The following TOX variants were observed in gnomAD, a reference collection of about 807,000 sequenced individuals.
TOX encodes the protein thymocyte selection associated high mobility group box, also known as thymocyte selection-associated high mobility group box protein TOX.
In TOX, 11 loss-of-function variants were observed where a neutral mutation model predicts 53.7. The observed-to-expected ratio is 0.20, with a 90% CI of 0.13 to 0.34. The LOEUF (loss-of-function observed/expected upper bound fraction) is 0.34, where lower values mean the gene tolerates loss of function less well. Ranked by LOEUF, TOX falls within the 10% of genes least tolerant of loss-of-function variation. The pLI, the probability that TOX is intolerant of heterozygous loss-of-function variation, is 1.00. For synonymous variants in TOX, 225 were observed against 245.3 expected, an observed-to-expected ratio of 0.92 and a Z score of 0.77; for missense variants, 570 against 664.6, an observed-to-expected ratio of 0.86 and a Z score of 1.56.
chr8:58,865,917 C>A (rs1811094131), intron 3 of TOX, among the ~76,000 whole-genome samples: 1 of 139,602 alleles, frequency 7.2e-6, no homozygotes, highest in South Asian at 2.4e-4. Context: ...TCACTGCAAC[C>A]TCCACCTCCC....
rs1554533755 is a variant in TOX, at chr8:58,963,314, TATAG to T, written c.103-3310_103-3307del. The stretch of plus-strand genomic sequence containing the variant: ...TAGAAGATAGATAGATAGATATATA[TATAG>T]ATAGATAGATAGATAGATAGATAGG... On this transcript the variant is annotated intron_variant, in intron 1 of 8. Coordinates refer to ENST00000361421, the MANE Select transcript of TOX (RefSeq NM_014729.3). Among the ~76,000 whole-genome samples the T allele has an allele frequency of 6.9e-3, 897 of 130,736 alleles. 8 individuals carry two copies. The highest frequency in any genetic ancestry group is 0.016 in the Middle Eastern group (4 of 256). The allele number at this position is 130,736 out of a possible 152,430, so 85.8% of individuals were successfully genotyped here.
intron 3 of TOX, among the ~76,000 whole-genome samples, chr8:58,890,297 C>G (rs763645902): frequency 1.3e-5 from 2 of 152,018 alleles, no homozygotes; most frequent in Non-Finnish European, 2.9e-5. Flanking sequence ...GTGGTAGAGT[C>G]GTGGGAGGGA....
At chr8:58,854,688 T>A (rs1050142566) in intron 3 of TOX, among the ~76,000 whole-genome samples, 35 of 152,232 alleles carry the variant, frequency 2.3e-4, no homozygotes, top group African/African-American at 7.5e-4. Flanking sequence ...GAATACCAAA[T>A]CAAAGCACTC....
intron 5 of TOX, among the ~76,000 whole-genome samples, chr8:58,832,147 T>C (rs1057468260): frequency 7.1e-6 from 1 of 140,092 alleles, no homozygotes; most frequent in African/African-American, 2.5e-5. Flanking sequence ...ATAATATATG[T>C]AATATATAAT....
At chr8:58,998,535 AT>A (rs368465449) in intron 1 of TOX, among the ~76,000 whole-genome samples, 30 of 12,274 alleles carry the variant, frequency 2.4e-3, no homozygotes, top group East Asian at 0.018. Flanking sequence ...ATATATATAT[AT>A]ATAAATTTAT....
intron 1 of TOX, among the ~76,000 whole-genome samples, chr8:59,032,207 C>G (rs763757936): frequency 2.6e-5 from 4 of 151,980 alleles, no homozygotes; most frequent in Non-Finnish European, 5.9e-5. Context: ...GGATGTAGCC[C>G]TAAGTAACTA....
At chr8:59,059,525 C>T (rs1180108172) in intron 1 of TOX, among the ~76,000 whole-genome samples, 1 of 152,088 alleles carries the variant, frequency 6.6e-6, no homozygotes, top group East Asian at 1.9e-4. Context: ...AACATCAACA[C>T]TCATTTTGTT....
intron 3 of TOX, among the ~76,000 whole-genome samples, chr8:58,922,822 A>G (rs1306515142): frequency 6.6e-6 from 1 of 152,218 alleles, no homozygotes; most frequent in Non-Finnish European, 1.5e-5. Context: ...TCATTTTATA[A>G]AACAGGGTGA....
intron 1 of TOX, among the ~76,000 whole-genome samples, chr8:58,998,612 A>ATTTATATGTAATAAATTTATGTAATAAT (rs1414270503): frequency 1.2e-5 from 1 of 80,594 alleles, no homozygotes; most frequent in Admixed American, 1.3e-4. Context: ...TATGTAATAA[A>ATTTATATGTAATAAATTTATGTAATAAT]TTTATATAAT....
chr8:58,988,903 C>G (rs535283366), intron 1 of TOX, among the ~76,000 whole-genome samples: 1 of 152,322 alleles, frequency 6.6e-6, no homozygotes, highest in South Asian at 2.1e-4. Flanking sequence ...GAGGGCAAAA[C>G]TCCCAAGACA....
At chr8:58,819,005 A>G (rs1274631150) in intron 6 of TOX, among the ~76,000 whole-genome samples, 1 of 152,252 alleles carries the variant, frequency 6.6e-6, no homozygotes, top group Non-Finnish European at 1.5e-5. Flanking sequence ...ATTATTAAGC[A>G]GTCTAGTACA....
At chr8:58,830,357 T>C (rs1398255874) in intron 5 of TOX, among the ~76,000 whole-genome samples, 1 of 152,148 alleles carries the variant, frequency 6.6e-6, no homozygotes, top group African/African-American at 2.4e-5. Flanking sequence ...ATGGCTAAAC[T>C]AAAACATACG....
intron 6 of TOX, among the ~76,000 whole-genome samples, chr8:58,824,189 G>A (rs1018532431): frequency 6.6e-6 from 1 of 152,178 alleles, no homozygotes; most frequent in Non-Finnish European, 1.5e-5. Flanking sequence ...GCCTTGGCCA[G>A]TGGCTACCTG....
intron 1 of TOX, among the ~76,000 whole-genome samples, chr8:58,967,792 T>A (rs1194598627): frequency 6.6e-6 from 1 of 152,168 alleles, no homozygotes; most frequent in Non-Finnish European, 1.5e-5. Context: ...TTGCTTACTT[T>A]CCCCTCACTC....
chr8:58,972,517 A>G (rs920228465), intron 1 of TOX, among the ~76,000 whole-genome samples: 1 of 152,220 alleles, frequency 6.6e-6, no homozygotes, highest in African/African-American at 2.4e-5. Flanking sequence ...AGTACGACAT[A>G]GGATGATATG....
intron 1 of TOX, among the ~76,000 whole-genome samples, chr8:59,053,269 C>T (rs1803827844): frequency 6.6e-6 from 1 of 152,172 alleles, no homozygotes; most frequent in African/African-American, 2.4e-5. Context: ...CCCTTTCTAT[C>T]TTTTAATATG....
intron 1 of TOX, among the ~76,000 whole-genome samples, chr8:59,044,780 T>C (rs1803655272): frequency 6.6e-6 from 1 of 152,228 alleles, no homozygotes; most frequent in Non-Finnish European, 1.5e-5. Flanking sequence ...ATTTTAAGGA[T>C]GAATGGCATC....
intron 1 of TOX, among the ~76,000 whole-genome samples, chr8:59,057,718 G>A (rs562868933): frequency 5.3e-5 from 8 of 152,182 alleles, no homozygotes; most frequent in South Asian, 4.1e-4. Context: ...CTGAGTGGTC[G>A]AATTACACAT....
intron 1 of TOX, among the ~76,000 whole-genome samples, chr8:59,107,818 T>C (rs1804940994): frequency 1.3e-5 from 2 of 152,170 alleles, no homozygotes; most frequent in African/African-American, 2.4e-5. Context: ...TTTTAAAGCA[T>C]ATTAGATAAA....
Sources: allele counts gnomAD v4.1 joint callset (sites outside exome capture counted in the v4.1 genomes callset), GRCh38; gene constraint gnomAD v4.1.1; transcripts MANE v1.5; gene names NCBI Gene and HGNC (gene_info 2026-07-23, HGNC 2026-07-21).